UTP11: variants seen among roughly 807,000 people sequenced by gnomAD.
The protein encoded by UTP11 is UTP11 small subunit processome component, also known as probable U3 small nucleolar RNA-associated protein 11.
Under a neutral mutation model 39.0 loss-of-function variants are expected in UTP11, and 29 were observed. The observed-to-expected ratio is 0.74, with a 90% confidence interval of 0.55 to 1.01. The LOEUF (loss-of-function observed/expected upper bound fraction) is 1.01. Among genes scored for constraint, UTP11 ranks in the 50% least tolerant of loss-of-function variants. UTP11 has a pLI of 0.00. For missense variants in UTP11, 281 were observed against 306.0 expected (o/e 0.92, Z 0.61); for synonymous variants, 111 against 105.0 (o/e 1.06, Z -0.35).
rs374680027 is a variant in UTP11 at position 38,024,451 on chromosome 1, G to A, written c.*823G>A. 2 of 145,408 alleles carry A rather than the reference G, an allele frequency of 1.4e-5. No individual in the cohort carries two copies. Among genetic ancestry groups the A allele is most frequent in the African/African-American group, 2.5e-5 (1 of 39,384 alleles). The allele number at this position is 145,408 out of a possible 1,614,324, so 9.0% of individuals were successfully genotyped here. On this transcript the variant is annotated 3_prime_UTR_variant, in exon 8 of 8. Transcript: ENST00000373014. ...CGCTCTGTCGCCCAGGCCGGACTGC[G>A]GACTGCAGTGGCGCAATCTCGGCTC...
At chr1:38,018,113 C>T (rs1211664554) in intron 3 of UTP11, among the ~76,000 whole-genome samples, 1 of 152,080 alleles carries the variant, frequency 6.6e-6, no homozygotes, top group African/African-American at 2.4e-5. Context: ...CTCTGTTGCC[C>T]AGGCTGGAGT....
chr1:38,022,568 G>A (rs922075568), intron 6 of UTP11, 131 bp from the exon 7 acceptor site: 2 of 650,426 alleles, frequency 3.1e-6, no homozygotes, highest in Non-Finnish European at 5.4e-6. Context: ...TTGTTACCAC[G>A]TTATGTTGAT....
chr1:38,019,443 GTTTTT>G, intron 6 of UTP11, 60 bp downstream of exon 6: 1 of 956,216 alleles, frequency 1.0e-6, no homozygotes, highest in Non-Finnish European at 1.4e-6. Context: ...TTTTTTTTTT[GTTTTT>G]TTTTTTTTGC....
At chr1:38,021,979 G>A (rs1646740242) in intron 6 of UTP11, among the ~76,000 whole-genome samples, 1 of 152,122 alleles carries the variant, frequency 6.6e-6, no homozygotes, top group African/African-American at 2.4e-5. Context: ...GGACCCCACT[G>A]ATCTTTGAGG....
At chr1:38,014,844 G>C (rs561322002) in intron 1 of UTP11, among the ~76,000 whole-genome samples, 2 of 152,058 alleles carry the variant, frequency 1.3e-5, no homozygotes, top group African/African-American at 4.8e-5. Context: ...AGGTCTCACT[G>C]TGTTGCCCAG....
intron 4 of UTP11, 120 bp from the exon 5 acceptor site, chr1:38,018,939 A>G: frequency 2.3e-6 from 2 of 879,018 alleles, no homozygotes; most frequent in Non-Finnish European, 3.4e-6. Flanking sequence ...AAAAGAATAA[A>G]GCAAGTTCTT....
intron 1 of UTP11, among the ~76,000 whole-genome samples, chr1:38,013,872 G>C (rs888853607): frequency 6.6e-6 from 1 of 152,114 alleles, no homozygotes; most frequent in African/African-American, 2.4e-5. Context: ...ACACTACCAT[G>C]CCCTGCTAAT....
rs937728075 is a variant in UTP11 at position 38,012,826 on chromosome 1, G to A, written c.24G>A (p.Ala8=). MAAAFRK[A]AKSRQREHRE... ...ACATGGCGGCGGCTTTTCGGAAGGCGGCTAAGTCCCGGCAGCGGGAACACA... is the reference window on the plus strand; with the variant it reads ...ACATGGCGGCGGCTTTTCGGAAGGCAGCTAAGTCCCGGCAGCGGGAACACA... The change falls in exon 1 of 8, where the codon GCG becomes GCA. Residue 8 remains alanine, a synonymous_variant. Coordinates refer to ENST00000373014, the MANE Select transcript of UTP11 (RefSeq NM_016037.4). 1 of 1,614,202 alleles carries A rather than the reference G, an allele frequency of 6.2e-7. No homozygotes were observed. The highest frequency in any genetic ancestry group is 8.5e-7 in the Non-Finnish European group (1 of 1,180,050).
chr1:38,020,433 A>G (rs1414959356), intron 6 of UTP11, among the ~76,000 whole-genome samples: 1 of 152,138 alleles, frequency 6.6e-6, no homozygotes, highest in Non-Finnish European at 1.5e-5. Flanking sequence ...GTATTGTAAC[A>G]AAAATTTTGT....
At chr1:38,014,141 G>GAGGA (rs1209364495) in intron 1 of UTP11, among the ~76,000 whole-genome samples, 2 of 152,216 alleles carry the variant, frequency 1.3e-5, no homozygotes, top group African/African-American at 4.8e-5. Flanking sequence ...TTTTACAAAT[G>GAGGA]AGGAATCTGG....
At position 38,023,863 on chromosome 1, in the gene UTP11, G is replaced by C. The variant is rs890749013; in HGVS notation, c.*235G>C. On this transcript the variant is annotated 3_prime_UTR_variant, in exon 8 of 8. Coordinates refer to ENST00000373014, the MANE Select transcript of UTP11 (RefSeq NM_016037.4). Reference sequence around the variant, plus strand: ...TATACTTAATTTTTTTTTTCTTTGAGATAGGGTCTTTGTTGCCAGGCTGGA... The same window carrying C: ...TATACTTAATTTTTTTTTTCTTTGACATAGGGTCTTTGTTGCCAGGCTGGA... 3.1e-6 allele frequency: 1 copy of C among 324,268 alleles called. No homozygotes were observed. Among genetic ancestry groups the C allele is most frequent in the African/African-American group, 2.2e-5 (1 of 46,018 alleles). The allele number at this position is 324,268 out of a possible 1,614,324, so 20.1% of individuals were successfully genotyped here.
At chr1:38,012,994 T>C in intron 1 of UTP11, 129 bp downstream of exon 1, 1 of 1,148,752 alleles carries the variant, frequency 8.7e-7, no homozygotes, top group African/African-American at 1.5e-5. Context: ...TGTATGTTAA[T>C]GACGCTGGCG....
At chr1:38,018,262 G>C (rs919383368) in intron 3 of UTP11, among the ~76,000 whole-genome samples, 2 of 151,988 alleles carry the variant, frequency 1.3e-5, no homozygotes, top group Non-Finnish European at 2.9e-5. Context: ...GTAGAGACGG[G>C]GTTTCACCAT....
chr1:38,023,426 T>C, intron 7 of UTP11, 119 bp from the exon 8 acceptor site: 3 of 785,446 alleles, frequency 3.8e-6, no homozygotes, highest in Non-Finnish European at 6.1e-6. Flanking sequence ...GCAGTAGGGC[T>C]GTGTCCGTTC....
intron 7 of UTP11, 77 bp from the exon 8 acceptor site, chr1:38,023,468 A>C: frequency 7.6e-7 from 1 of 1,319,222 alleles, no homozygotes; most frequent in Non-Finnish European, 1.1e-6. Flanking sequence ...GCAGGTGCTA[A>C]TAGGTAGTTT....
In UTP11 at chr1:38,017,757, G is replaced by A. The variant is rs375933004; in HGVS notation, c.215G>A (p.Arg72Gln). The A allele has an allele frequency of 6.5e-5, 105 of 1,611,444 alleles. No individual in the cohort carries two copies. The highest frequency in any genetic ancestry group is 8.8e-5 in the Non-Finnish European group (104 of 1,178,998). The part of the protein sequence containing the change: ...NPDEFYYKMT[R>Q]VKLQDGVHII... ...GATGAATTCTACTACAAAATGACTC[G>A]GGTTAAACTCCAGGTGGGTGCCCAA... The change falls in exon 3 of 8, where the codon CGG becomes CAG. Residue 72 changes from arginine to glutamine, a missense_variant. Arg to Gln is a conservative substitution (Grantham distance 43). Transcript: ENST00000373014.
At chr1:38,016,621 G>C in intron 2 of UTP11, 1 of 559,104 alleles carries the variant, frequency 1.8e-6, no homozygotes, top group Admixed American at 3.1e-5. Flanking sequence ...TTATTTAACT[G>C]TAGTTGCATT....
At chr1:38,017,420 C>G in intron 2 of UTP11, 1 of 345,304 alleles carries the variant, frequency 2.9e-6, no homozygotes, top group South Asian at 6.9e-5. Flanking sequence ...CATATATAGG[C>G]TGGGGACAGT....
rs1323468050 is a variant in UTP11, at chr1:38,023,904, T to C, written c.*276T>C. 3 of 228,920 alleles carry C rather than the reference T, an allele frequency of 1.3e-5. No homozygotes were observed. The highest frequency in any genetic ancestry group is 6.9e-5 in the African/African-American group (3 of 43,698). 14.2% of individuals were successfully genotyped at this position (228,920 alleles called of 1,614,324 possible). A position where few individuals can be genotyped will look rare whatever the true frequency, so the allele number is the denominator to read the frequency against. On this transcript the variant is annotated 3_prime_UTR_variant, in exon 8 of 8. Coordinates refer to ENST00000373014, the MANE Select transcript of UTP11 (RefSeq NM_016037.4). Reference sequence around the variant, plus strand: ...CCAGGCTGGAAGTGCAGTGTGTGATTATGGCTCACTGCAACTTTGAACTCC... The same window carrying C: ...CCAGGCTGGAAGTGCAGTGTGTGATCATGGCTCACTGCAACTTTGAACTCC...
Sources: gnomAD v4.1 joint callset for allele counts (sites outside exome capture counted in the v4.1 genomes callset) on GRCh38, gnomAD v4.1.1 for gene constraint, MANE v1.5 for transcripts, NCBI Gene and HGNC (gene_info 2026-07-23, HGNC 2026-07-21) for gene names.